KCNH1: variants seen among roughly 807,000 people sequenced by gnomAD.
The protein encoded by KCNH1 is voltage-gated delayed rectifier potassium channel KCNH1.
In KCNH1, 27 loss-of-function variants were observed where a neutral mutation model predicts 69.2. The ratio of observed to expected loss-of-function variants is 0.39; its 90% CI spans 0.29 to 0.54. The LOEUF (loss-of-function observed/expected upper bound fraction) is 0.54. Among genes scored for constraint, KCNH1 ranks in the 20% least tolerant of loss-of-function variants. The pLI, the probability that KCNH1 is intolerant of heterozygous loss-of-function variation, is 0.68. For missense variants in KCNH1, 798 were observed against 1,261.6 expected, an observed-to-expected ratio of 0.63 and a Z score of 5.57; for synonymous variants, 456 against 487.7, an observed-to-expected ratio of 0.93 and a Z score of 0.86.
chr1:211,122,830 T>C (rs1691712874), intron 1 of KCNH1, among the ~76,000 whole-genome samples: 1 of 150,846 alleles, frequency 6.6e-6, no homozygotes, highest in Non-Finnish European at 1.5e-5. Flanking sequence ...CTGTTGGGGG[T>C]GGGGGTAGAA....
chr1:211,123,487 G>A (rs778847749), intron 1 of KCNH1, among the ~76,000 whole-genome samples: 1 of 152,200 alleles, frequency 6.6e-6, no homozygotes, highest in Non-Finnish European at 1.5e-5. Context: ...GATATGGATA[G>A]GTGGAGGCAG....
intron 10 of KCNH1, among the ~76,000 whole-genome samples, chr1:210,765,518 C>T (rs998407208): frequency 1.3e-5 from 2 of 152,176 alleles, no homozygotes; most frequent in African/African-American, 4.8e-5. Context: ...ATCTTGGCCT[C>T]AGCACCTAAG....
chr1:211,055,250 T>G (rs1571611572), intron 5 of KCNH1, among the ~76,000 whole-genome samples: 1 of 152,224 alleles, frequency 6.6e-6, no homozygotes, highest in East Asian at 1.9e-4. Context: ...ATCCAGGGAC[T>G]TAGGGGAGGA....
intron 10 of KCNH1, among the ~76,000 whole-genome samples, chr1:210,687,549 C>T (rs751187466): frequency 3.9e-5 from 6 of 152,194 alleles, no homozygotes; most frequent in Non-Finnish European, 8.8e-5. Flanking sequence ...TCCTACCCTG[C>T]AGAAATGCCT....
chr1:211,026,938 G>A (rs1689695382), intron 5 of KCNH1, among the ~76,000 whole-genome samples: 1 of 152,052 alleles, frequency 6.6e-6, no homozygotes, highest in African/African-American at 2.4e-5. Context: ...CCCCAACCTG[G>A]CAAAAGTGAG....
At chr1:210,862,335 T>C in intron 7 of KCNH1, 2 of 711,812 alleles carry the variant, frequency 2.8e-6, no homozygotes, top group South Asian at 1.5e-5. Flanking sequence ...GGGCCAGGAA[T>C]AGCACTACTC....
intron 6 of KCNH1, among the ~76,000 whole-genome samples, chr1:210,947,514 G>T (rs1314177694): frequency 1.3e-5 from 2 of 151,460 alleles, no homozygotes; most frequent in Non-Finnish European, 2.9e-5. Flanking sequence ...GGCGGAGCTT[G>T]CAGTGAGCAG....
chr1:211,119,520 C>G (rs1691649301), intron 1 of KCNH1, among the ~76,000 whole-genome samples: 1 of 151,696 alleles, frequency 6.6e-6, no homozygotes, highest in African/African-American at 2.4e-5. Flanking sequence ...TTACCTGAAC[C>G]TAAATAAAAT....
chr1:210,704,880 C>T (rs1398920371), intron 10 of KCNH1, among the ~76,000 whole-genome samples: 1 of 152,232 alleles, frequency 6.6e-6, no homozygotes, highest in Non-Finnish European at 1.5e-5. Context: ...ACACACTTTG[C>T]AGAGCCAGGG....
chr1:211,110,027 G>GA (rs60006164), intron 1 of KCNH1, among the ~76,000 whole-genome samples: 46 of 132,180 alleles, frequency 3.5e-4, no homozygotes, highest in Non-Finnish European at 4.7e-4. Flanking sequence ...AAACAGAGAA[G>GA]AAAAAAAAAA....
chr1:211,102,417 G>A (rs1009713627), intron 3 of KCNH1, among the ~76,000 whole-genome samples: 12 of 152,174 alleles, frequency 7.9e-5, no homozygotes, highest in East Asian at 3.9e-4. Context: ...CTTTCCCTTC[G>A]TTCCTCTCCT....
rs1681218619 is a variant in KCNH1, at chr1:210,679,747, A to G, written c.*3534T>C. 1 of 152,190 alleles carries G rather than the reference A, an allele frequency of 6.6e-6. No homozygotes were observed. The highest frequency in any genetic ancestry group is 2.4e-5 in the African/African-American group (1 of 41,438). 9.4% of individuals were successfully genotyped at this position (152,190 alleles called of 1,614,324 possible). On this transcript the variant is annotated 3_prime_UTR_variant, in exon 11 of 11. Transcript: ENST00000271751. ...CAGGAAAGGGGCTGATGTTTGGCCA[A>G]CAGCAGCACACTGGATCGAAGAGGT...
At position 210,847,156 on chromosome 1, in the gene KCNH1, G is replaced by T. The variant is rs542664617; in HGVS notation, c.1463-42990C>A. Among the ~76,000 whole-genome samples, 379 of 152,296 alleles carry T rather than the reference G, an allele frequency of 2.5e-3. 7 individuals are homozygous for T. Among genetic ancestry groups the T allele is most frequent in the Middle Eastern group, 3.4e-3 (1 of 294 alleles). On this transcript the variant is annotated intron_variant, in intron 7 of 10. Transcript: ENST00000271751. ...GGGACTGTAAACTAGTTCAACCATTGTGGAAGTCAGTGTGGCGATTCCTCA... is the reference window on the plus strand; with the variant it reads ...GGGACTGTAAACTAGTTCAACCATTTTGGAAGTCAGTGTGGCGATTCCTCA...
intron 7 of KCNH1, among the ~76,000 whole-genome samples, chr1:210,894,343 A>G (rs1604372): frequency 0.064 from 9,773 of 152,190 alleles, 623 homozygotes; most frequent in African/African-American, 0.15. Context: ...CCTTCTGACT[A>G]CTCAATCCAA....
intron 10 of KCNH1, among the ~76,000 whole-genome samples, chr1:210,695,995 C>T (rs763595259): frequency 1.7e-4 from 26 of 152,206 alleles, no homozygotes; most frequent in Non-Finnish European, 2.9e-4. Context: ...AGTATGGCTC[C>T]AGCAGCAGTG....
chr1:211,118,623 T>C (rs1467778818), intron 1 of KCNH1, among the ~76,000 whole-genome samples: 1 of 152,188 alleles, frequency 6.6e-6, no homozygotes, highest in Non-Finnish European at 1.5e-5. Flanking sequence ...TCTAAAAATT[T>C]AAAAGACTCC....
intron 9 of KCNH1, among the ~76,000 whole-genome samples, chr1:210,789,954 T>G (rs578007585): frequency 1.3e-5 from 2 of 152,312 alleles, no homozygotes; most frequent in South Asian, 2.1e-4. Context: ...TAGGCTGGAG[T>G]GCAGTAGCTA....
chr1:210,932,498 G>A (rs1288245631), intron 6 of KCNH1, among the ~76,000 whole-genome samples: 2 of 151,994 alleles, frequency 1.3e-5, no homozygotes, highest in Non-Finnish European at 2.9e-5. Flanking sequence ...ACAGGAGTAA[G>A]TACTGACCTA....
rs1691920931 is a variant in KCNH1 at position 211,133,767 on chromosome 1, G to A, written c.79+100C>T. 1.8e-6 allele frequency: 2 copies of A among 1,131,460 alleles called. No individual in the cohort carries two copies. The highest frequency in any genetic ancestry group is 1.9e-5 in the Admixed American group (1 of 52,858). The allele number at this position is 1,131,460 out of a possible 1,614,324, so 70.1% of individuals were successfully genotyped here. On this transcript the variant is annotated intron_variant, in intron 1 of 10. Transcript: ENST00000271751. This position sits in a 1 kb window ranked among gnomAD's most constrained non-coding sequence, Gnocchi z 5.4. ...GCGCCGCGGCTCCTTAGCAGAGCTCGCGGGTTCTGCTGCATCTGCTGGCTC... is the reference window on the plus strand; with the variant it reads ...GCGCCGCGGCTCCTTAGCAGAGCTCACGGGTTCTGCTGCATCTGCTGGCTC...
Sources: gnomAD v4.1 joint callset for allele counts (sites outside exome capture counted in the v4.1 genomes callset) on GRCh38, gnomAD v4.1.1 for gene constraint, Gnocchi (gnomAD v3.1) non-coding constraint, MANE v1.5 for transcripts, NCBI Gene and HGNC (gene_info 2026-07-23, HGNC 2026-07-21) for gene names.